CNBD1: variants seen among roughly 807,000 people sequenced by gnomAD.
CNBD1 encodes the protein cyclic nucleotide-binding domain-containing protein 1.
CNBD1 carries 71 observed loss-of-function variants against 54.4 expected under a neutral mutation model. The ratio of observed to expected loss-of-function variants is 1.30; its 90% CI spans 1.08 to 1.59. The LOEUF (loss-of-function observed/expected upper bound fraction) is 1.59, where lower values mean the gene tolerates loss of function less well. Ranked by LOEUF, CNBD1 falls within the 40% of genes most tolerant of loss-of-function variation. The pLI is 0.00. For synonymous variants in CNBD1, 182 were observed against 170.7 expected, an observed-to-expected ratio of 1.07 and a Z score of -0.51; for missense variants, 659 against 518.0, an observed-to-expected ratio of 1.27 and a Z score of -2.64.
intron 4 of CNBD1, among the ~76,000 whole-genome samples, chr8:87,017,965 C>G (rs974687860): frequency 6.6e-6 from 1 of 152,104 alleles, no homozygotes; most frequent in Non-Finnish European, 1.5e-5. Flanking sequence ...AAATTCTGGC[C>G]GGGAACAGTG....
intron 3 of CNBD1, among the ~76,000 whole-genome samples, chr8:86,918,046 A>T (rs1004222050): frequency 2.0e-5 from 3 of 152,156 alleles, no homozygotes; most frequent in African/African-American, 7.2e-5. Flanking sequence ...CAATACCACT[A>T]ATCTATTTAG....
intron 2 of CNBD1, among the ~76,000 whole-genome samples, chr8:87,390,521 C>G (rs1194609669): frequency 1.3e-5 from 2 of 152,096 alleles, no homozygotes; most frequent in South Asian, 2.1e-4. Context: ...CAGAAAAATG[C>G]AAATCAAAAC....
At chr8:87,071,141 G>A (rs1034101018) in intron 4 of CNBD1, among the ~76,000 whole-genome samples, 3 of 152,048 alleles carry the variant, frequency 2.0e-5, no homozygotes, top group Admixed American at 2.0e-4. Context: ...TAGTCCAAAT[G>A]TTTTAGTGAA....
chr8:86,963,375 C>T (rs1807984298), intron 4 of CNBD1, among the ~76,000 whole-genome samples: 1 of 152,182 alleles, frequency 6.6e-6, no homozygotes, highest in African/African-American at 2.4e-5. Flanking sequence ...GCACTGTGCC[C>T]TTCGACTCCC....
At chr8:87,137,458 T>C (rs779586221) in intron 4 of CNBD1, among the ~76,000 whole-genome samples, 9 of 151,798 alleles carry the variant, frequency 5.9e-5, no homozygotes, top group Non-Finnish European at 1.3e-4. Context: ...CGCCTCAGCC[T>C]CCCAAAGTGC....
intron 5 of CNBD1, among the ~76,000 whole-genome samples, chr8:87,215,303 G>C (rs530652068): frequency 6.6e-6 from 1 of 152,266 alleles, no homozygotes; most frequent in South Asian, 2.1e-4. Context: ...AAGTAACATA[G>C]TGGTTGCCAC....
intron 8 of CNBD1, among the ~76,000 whole-genome samples, chr8:87,334,719 C>CTTTTTTTT (rs758083191): frequency 4.8e-5 from 6 of 126,156 alleles, no homozygotes; most frequent in South Asian, 2.3e-4. Context: ...TTTCTTTTTT[C>CTTTTTTTT]TTTTCTTTTT....
intron 4 of CNBD1, among the ~76,000 whole-genome samples, chr8:86,951,992 C>T (rs547833055): frequency 1.3e-5 from 2 of 152,234 alleles, no homozygotes; most frequent in Non-Finnish European, 2.9e-5. Flanking sequence ...CAGAACTCAG[C>T]AGAAACCCTT....
At chr8:87,028,101 A>G (rs1373737443) in intron 4 of CNBD1, among the ~76,000 whole-genome samples, 1 of 152,190 alleles carries the variant, frequency 6.6e-6, no homozygotes, top group Non-Finnish European at 1.5e-5. Flanking sequence ...ATACTGAAAC[A>G]GCCAGGGTGC....
At chr8:87,188,764 TA>T (rs1162290403) in intron 4 of CNBD1, among the ~76,000 whole-genome samples, 10 of 134,472 alleles carry the variant, frequency 7.4e-5, no homozygotes, top group African/African-American at 2.9e-4. Context: ...AAAAAAAAAA[TA>T]AAAATAAAAA....
chr8:87,224,117 A>C (rs1814416965), intron 5 of CNBD1, among the ~76,000 whole-genome samples: 1 of 151,422 alleles, frequency 6.6e-6, no homozygotes, highest in Admixed American at 6.6e-5. Flanking sequence ...AATTTGTTTG[A>C]GTTCATTGTA....
chr8:87,344,158 A>T (rs1055638514), intron 8 of CNBD1, among the ~76,000 whole-genome samples: 1 of 152,098 alleles, frequency 6.6e-6, no homozygotes, highest in Non-Finnish European at 1.5e-5. Context: ...TAATCAAGTT[A>T]TTTAACCCAA....
intron 4 of CNBD1, among the ~76,000 whole-genome samples, chr8:87,151,566 C>T (rs1812604825): frequency 6.6e-6 from 1 of 152,088 alleles, no homozygotes; most frequent in Admixed American, 6.5e-5. Context: ...GACCCCTAGC[C>T]ACTCTGGGGC....
chr8:87,181,310 A>G (rs1813306185), intron 4 of CNBD1, among the ~76,000 whole-genome samples: 1 of 152,202 alleles, frequency 6.6e-6, no homozygotes, highest in South Asian at 2.1e-4. Flanking sequence ...CTGTGAAACC[A>G]TAGTTACAAT....
At chr8:87,036,594 TAAAAAAAAAAAAAAA>T (rs58299323) in intron 4 of CNBD1, among the ~76,000 whole-genome samples, 1 of 64,744 alleles carries the variant, frequency 1.5e-5, no homozygotes. Flanking sequence ...ACTGCATCTC[TAAAAAAAAAAAAAAA>T]AAAAAAAAAA....
intron 2 of CNBD1, among the ~76,000 whole-genome samples, chr8:87,406,523 A>C (rs556912141): frequency 3.5e-5 from 5 of 142,208 alleles, no homozygotes; most frequent in Non-Finnish European, 7.5e-5. Context: ...TCTGTCACCT[A>C]GGCTGGAGTT....
At chr8:87,232,060 T>A (rs2130821614) in intron 5 of CNBD1, among the ~76,000 whole-genome samples, 1 of 152,300 alleles carries the variant, frequency 6.6e-6, no homozygotes, top group Middle Eastern at 3.4e-3. Flanking sequence ...TTTATTCCAA[T>A]CAACATAATG....
At chr8:87,027,228 A>G (rs1809668050) in intron 4 of CNBD1, among the ~76,000 whole-genome samples, 1 of 152,112 alleles carries the variant, frequency 6.6e-6, no homozygotes, top group East Asian at 1.9e-4. Context: ...CTGTGAACCA[A>G]CATTTTGGGT....
At chr8:86,964,463 A>T (rs1808018434) in intron 4 of CNBD1, among the ~76,000 whole-genome samples, 1 of 152,238 alleles carries the variant, frequency 6.6e-6, no homozygotes, top group South Asian at 2.1e-4. Flanking sequence ...AGCAGTGGTC[A>T]GGGTTTGATG....
Sources: allele counts gnomAD v4.1 joint callset (sites outside exome capture counted in the v4.1 genomes callset), GRCh38; gene constraint gnomAD v4.1.1; transcripts MANE v1.5; gene names NCBI Gene and HGNC (gene_info 2026-07-23, HGNC 2026-07-21).